The following TSC2 variants were observed in gnomAD, a reference collection of about 807,000 sequenced individuals.
TSC2 encodes tuberin.
TSC2 carries 29 observed loss-of-function variants against 202.2 expected under a neutral mutation model. The observed-to-expected ratio is 0.14, with a 90% confidence interval of 0.11 to 0.20. The LOEUF is 0.20. Among genes scored for constraint, TSC2 ranks in the 10% least tolerant of loss-of-function variants. The probability of loss-of-function intolerance (pLI) is 1.00; values close to 1 mark genes in which losing one functional copy is unlikely to be tolerated. For missense variants in TSC2, 2,429 were observed against 2,420.0 expected (o/e 1.00, Z -0.08); for synonymous variants, 1,349 against 1,044.0 (o/e 1.29, Z -5.63).
At position 2,089,019 on chromosome 16, in the gene TSC2, G is replaced by GC. The variant is rs2091295661; in HGVS notation, c.*410dup. Reference sequence around the variant, plus strand: ...CCAGACCTGATGCCAGCAGGCCTGGGCGCTGCTCTCTTGCTACCTGGCCTG... The same window carrying GC: ...CCAGACCTGATGCCAGCAGGCCTGGGCCGCTGCTCTCTTGCTACCTGGCCTG... On this transcript the variant is annotated 3_prime_UTR_variant, in exon 42 of 42. Transcript: ENST00000219476. The GC allele has an allele frequency of 3.2e-5, 7 of 217,996 alleles. No homozygotes were observed. The East Asian group carries it at 7.3e-4, about 23-fold the overall frequency. The allele number at this position is 217,996 out of a possible 1,614,324, so 13.5% of individuals were successfully genotyped here.
At position 2,072,854 on chromosome 16, in the gene TSC2, A is replaced by G. The variant is rs1060504097; in HGVS notation, c.2226A>G (p.Ser742=). 1.9e-6 allele frequency: 3 copies of G among 1,613,460 alleles called. No homozygotes were observed. Among genetic ancestry groups the G allele is most frequent in the Non-Finnish European group, 2.5e-6 (3 of 1,180,026 alleles). ...TGCCTGGATTTGGTCATCAGCTTTC[A>G]GGCCCAAAGACACTGGAGCGGCTCC... ...QLCSALCSML[S]GPKTLERLRG... The change falls in exon 21 of 42, where the codon TCA becomes TCG. Residue 742 remains serine, a synonymous_variant. Transcript: ENST00000219476.
At chr16:2,071,049 T>A (rs1034497869) in intron 17 of TSC2, among the ~76,000 whole-genome samples, 1 of 152,018 alleles carries the variant, frequency 6.6e-6, no homozygotes, top group African/African-American at 2.4e-5. Context: ...GCTATAGATG[T>A]TGGCACCAGG....
Position 2,070,551 on chromosome 16 carries a change from G to A in TSC2, c.1812G>A (p.Leu604=), listed in dbSNP as rs2151281344. 6 of 1,613,236 alleles carry A rather than the reference G, an allele frequency of 3.7e-6. No homozygotes were observed. The East Asian group carries it at 1.1e-4, about 30-fold the overall frequency. The change falls in exon 17 of 42, where the codon CTG becomes CTA. Residue 604 remains leucine, a synonymous_variant. Transcript: ENST00000219476. ...TCCACTACAAGCACAGCTACACCCT[G>A]CCAATCGCGAGCAGCATCCGGCTGC... ...IQLHYKHSYT[L]PIASSIRLQA...
At chr16:2,070,684 C>A (rs1596337667) in intron 17 of TSC2, 106 bp downstream of exon 17, 1 of 1,547,982 alleles carries the variant, frequency 6.5e-7, no homozygotes, top group South Asian at 1.2e-5. Flanking sequence ...CAGGATGGGG[C>A]CTCAGCTGAC....
In TSC2 at chr16:2,079,599, G is replaced by T. The variant is rs45478393; in HGVS notation, c.3327G>T (p.Pro1109=). The change falls in exon 29 of 42, where the codon CCG becomes CCT. Residue 1109 remains proline, a synonymous_variant. Coordinates refer to ENST00000219476, the MANE Select transcript of TSC2 (RefSeq NM_000548.5). This position sits in a 1 kb window ranked among gnomAD's most constrained non-coding sequence, Gnocchi z 4.6. ...GVHVRQTKEA[P]AKLESQAGQQ... ...ATGTGAGACAGACCAAGGAGGCGCC[G>T]GCCAAGCTGGAGTCCCAGGCTGGGC... 2 of 1,611,358 alleles carry T rather than the reference G, an allele frequency of 1.2e-6. No individual in the cohort carries two copies. Among genetic ancestry groups the T allele is most frequent in the East Asian group, 2.2e-5 (1 of 44,828 alleles).
At chr16:2,086,630 A>G in intron 37 of TSC2, 102 bp from the exon 38 acceptor site, 1 of 1,558,654 alleles carries the variant, frequency 6.4e-7, no homozygotes, top group East Asian at 2.3e-5. Flanking sequence ...TGGTCCCCGC[A>G]GGCCCCCAGA....
chr16:2,088,402 GCCACGCCTCCCAGACTTACTGC>G, intron 41 of TSC2, 22 bp from the exon 42 acceptor site: 1 of 1,612,530 alleles, frequency 6.2e-7, no homozygotes, highest in Non-Finnish European at 8.5e-7. Flanking sequence ...CAGAGCGGTT[GCCACGCCTCCCAGACTTACTGC>G]CCAAGCCGCC....
chr16:2,070,674 C>T, intron 17 of TSC2, 96 bp downstream of exon 17: 1 of 1,579,320 alleles, frequency 6.3e-7, no homozygotes, highest in Non-Finnish European at 8.6e-7. Context: ...GAGACGGCCC[C>T]AGGATGGGGC....
intron 2 of TSC2, among the ~76,000 whole-genome samples, chr16:2,049,840 G>C (rs1385551036): frequency 6.6e-6 from 1 of 151,320 alleles, no homozygotes; most frequent in Non-Finnish European, 1.5e-5. Context: ...AAATTGTGCA[G>C]TTTGAAATTG....
chr16:2,070,694 C>A, intron 17 of TSC2, 116 bp downstream of exon 17: 1 of 1,526,552 alleles, frequency 6.6e-7, no homozygotes. Flanking sequence ...CCTCAGCTGA[C>A]CGTCCCTCCT....
In TSC2 at chr16:2,085,215, C is replaced by T. The variant is rs766813076; in HGVS notation, c.4570-15C>T. On this transcript the variant is annotated splice_polypyrimidine_tract_variant and intron_variant, in intron 35 of 41. Coordinates refer to ENST00000219476, the MANE Select transcript of TSC2 (RefSeq NM_000548.5). ...ACGGGCGTCTGGGGCTCAGGCAGGG[C>T]TCTGTGTGCCACAGTCACAGTCCTT... 9 of 1,612,670 alleles carry T rather than the reference C, an allele frequency of 5.6e-6. No individual in the cohort carries two copies. Among genetic ancestry groups the T allele is most frequent in the East Asian group, 2.2e-5 (1 of 44,880 alleles).
intron 22 of TSC2, 115 bp downstream of exon 22, chr16:2,074,504 C>G: frequency 7.5e-7 from 1 of 1,340,606 alleles, no homozygotes; most frequent in Non-Finnish European, 1.0e-6. Context: ...GTCTCGCCTT[C>G]TGCTGCCTCA....
intron 11 of TSC2, 127 bp from the exon 12 acceptor site, chr16:2,061,744 C>A: frequency 6.6e-7 from 1 of 1,509,090 alleles, no homozygotes. Flanking sequence ...CGTCTGTCCC[C>A]ATGCGGCCCA....
At chr16:2,083,280 CTGTT>C (rs1452984920) in intron 32 of TSC2, 14 of 459,552 alleles carry the variant, frequency 3.0e-5, no homozygotes, top group Non-Finnish European at 6.1e-5. Context: ...TGGGAGCAGT[CTGTT>C]TGCAAACAGG....
chr16:2,088,208 C>G lies in TSC2; in HGVS notation c.5161-19C>G, dbSNP rs778290482. 3 of 1,613,072 alleles carry G rather than the reference C, an allele frequency of 1.9e-6. No individual in the cohort carries two copies. The highest frequency in any genetic ancestry group is 2.5e-6 in the Non-Finnish European group (3 of 1,179,946). On this transcript the variant is annotated intron_variant, in intron 40 of 41. Transcript: ENST00000219476. ...AGGTGCCACCTGATAGTGAGCTCAC[C>G]CCCTGCCTACGTCCCCAGATGGCCT... is the stretch of plus-strand genomic sequence containing the variant.
intron 16 of TSC2, 139 bp downstream of exon 16, chr16:2,065,774 C>T: frequency 1.3e-6 from 1 of 766,940 alleles, no homozygotes; most frequent in South Asian, 1.5e-5. Context: ...GTGGTCTCAG[C>T]AGGCAGCAGA....
chr16:2,088,893 A>AT lies in TSC2; in HGVS notation c.*283_*284insT. 1.1e-5 allele frequency: 5 copies of AT among 445,712 alleles called. No homozygotes were observed. Among genetic ancestry groups the AT allele is most frequent in the Admixed American group, 3.8e-5 (1 of 26,106 alleles). The allele number at this position is 445,712 out of a possible 1,614,324, so 27.6% of individuals were successfully genotyped here. On this transcript the variant is annotated 3_prime_UTR_variant, in exon 42 of 42. Transcript: ENST00000219476. ...CGCGTGCGCGCGCGCACACACACAC[A>AT]CACACAGTCACCTTCCTCCACCCTG... is the stretch of plus-strand genomic sequence containing the variant.
intron 3 of TSC2, 44 bp downstream of exon 3, chr16:2,050,530 A>C: frequency 1.3e-6 from 2 of 1,559,104 alleles, no homozygotes; most frequent in African/African-American, 1.4e-5. Flanking sequence ...CACGTAGACT[A>C]TTCAGAGCCT....
Position 2,072,378 on chromosome 16 carries a change from C to CTGGGGT in TSC2, c.2220+22_2220+27dup. 1 of 1,613,250 alleles carries CTGGGGT rather than the reference C, an allele frequency of 6.2e-7. No individual in the cohort carries two copies. Among genetic ancestry groups the CTGGGGT allele is most frequent in the Non-Finnish European group, 8.5e-7 (1 of 1,179,426 alleles). ...TCTGCTCCATGGTACCATGGCCGGC[C>CTGGGGT]TGGGGTTGGGGTGGGGGACCCAGTA... On this transcript the variant is annotated intron_variant, in intron 20 of 41. Coordinates refer to ENST00000219476, the MANE Select transcript of TSC2 (RefSeq NM_000548.5).
Sources: gnomAD v4.1 joint callset for allele counts (sites outside exome capture counted in the v4.1 genomes callset) on GRCh38, gnomAD v4.1.1 for gene constraint, Gnocchi (gnomAD v3.1) non-coding constraint, MANE v1.5 for transcripts, NCBI Gene and HGNC (gene_info 2026-07-23, HGNC 2026-07-21) for gene names.